Variants in RPS6KC1 observed in about 807,000 individuals in gnomAD.
RPS6KC1 encodes the protein ribosomal protein S6 kinase C1.
Under a neutral mutation model 103.8 loss-of-function variants are expected in RPS6KC1, and 54 were observed. The ratio of observed to expected loss-of-function variants is 0.52; its 90% CI spans 0.42 to 0.65. The LOEUF (loss-of-function observed/expected upper bound fraction) is 0.65. RPS6KC1 is among the 30% of genes least tolerant of loss of function. The pLI, the probability that RPS6KC1 is intolerant of heterozygous loss-of-function variation, is 0.00. For missense variants in RPS6KC1, 1,151 were observed against 1,253.8 expected, an observed-to-expected ratio of 0.92 and a Z score of 1.24; for synonymous variants, 439 against 438.7, an observed-to-expected ratio of 1.00 and a Z score of -0.01.
chr1:213,120,839 G>A (rs1194804379), intron 5 of RPS6KC1, among the ~76,000 whole-genome samples: 3 of 152,148 alleles, frequency 2.0e-5, no homozygotes, highest in Admixed American at 1.3e-4. Context: ...ACTTCTCAGA[G>A]AACAGAGGTA....
At chr1:213,387,716 A>G in the RPS6KC1 span, among the ~76,000 whole-genome samples, 1 of 152,254 alleles carries the variant, frequency 6.6e-6, no homozygotes, top group African/African-American at 2.4e-5. Flanking sequence ...CAGAAGCTAA[A>G]GAAAATTAGG....
the RPS6KC1 span, among the ~76,000 whole-genome samples, chr1:213,314,818 GAAGAAT>G: frequency 2.0e-5 from 3 of 152,124 alleles, no homozygotes; most frequent in Admixed American, 6.5e-5. Context: ...AATGTGTGCT[GAAGAAT>G]AAGAGGGATT....
chr1:213,854,510 CTCTT>C, the RPS6KC1 span, among the ~76,000 whole-genome samples: 5,161 of 120,936 alleles, frequency 0.043, 128 homozygotes, highest in South Asian at 0.059. Flanking sequence ...CTCTTTCTTT[CTCTT>C]TCTTTCTTTC....
the RPS6KC1 span, among the ~76,000 whole-genome samples, chr1:213,600,821 G>A: frequency 6.6e-6 from 1 of 152,370 alleles, no homozygotes; most frequent in Middle Eastern, 3.4e-3. Flanking sequence ...AAATGTAATA[G>A]TTGGTTCACA....
intron 3 of RPS6KC1, among the ~76,000 whole-genome samples, chr1:213,101,746 G>T (rs2082034745): frequency 6.6e-6 from 1 of 152,074 alleles, no homozygotes; most frequent in Admixed American, 6.5e-5. Flanking sequence ...GCTTTTAGAT[G>T]TTTACACAAT....
At chr1:213,355,943 GA>G in the RPS6KC1 span, among the ~76,000 whole-genome samples, 1 of 152,196 alleles carries the variant, frequency 6.6e-6, no homozygotes, top group Non-Finnish European at 1.5e-5. Flanking sequence ...TAATCTGTAA[GA>G]CAGGTACCTA....
chr1:213,287,877 C>T, the RPS6KC1 span, among the ~76,000 whole-genome samples: 1 of 152,090 alleles, frequency 6.6e-6, no homozygotes, highest in Non-Finnish European at 1.5e-5. Context: ...CTTGATTGAC[C>T]ATAATTAATT....
chr1:213,785,921 T>G, the RPS6KC1 span, among the ~76,000 whole-genome samples: 1 of 152,178 alleles, frequency 6.6e-6, no homozygotes, highest in Non-Finnish European at 1.5e-5. Context: ...ATTGCTATTA[T>G]GGAGGGAATA....
chr1:213,655,775 C>T, the RPS6KC1 span, among the ~76,000 whole-genome samples: 164 of 152,088 alleles, frequency 1.1e-3, 1 homozygote, highest in African/African-American at 3.5e-3. Flanking sequence ...TCTATGGAAA[C>T]GGAAGTTTTG....
the RPS6KC1 span, among the ~76,000 whole-genome samples, chr1:213,603,172 TG>T: frequency 6.6e-6 from 1 of 152,266 alleles, no homozygotes; most frequent in Non-Finnish European, 1.5e-5. Context: ...AGACATAGCT[TG>T]TCCAAAGCCA....
intron 12 of RPS6KC1, 83 bp downstream of exon 12, chr1:213,242,741 T>C (rs555354084): frequency 1.9e-6 from 2 of 1,051,148 alleles, no homozygotes; most frequent in Non-Finnish European, 1.4e-6. Flanking sequence ...ATTTTTGTAT[T>C]GTTCACTAGC....
At chr1:213,764,361 C>G in the RPS6KC1 span, among the ~76,000 whole-genome samples, 4 of 152,210 alleles carry the variant, frequency 2.6e-5, no homozygotes, top group Non-Finnish European at 4.4e-5. Flanking sequence ...GTCCTTTCTT[C>G]TCCTGCTCCC....
chr1:213,330,947 G>T, the RPS6KC1 span, among the ~76,000 whole-genome samples: 1 of 152,210 alleles, frequency 6.6e-6, no homozygotes, highest in East Asian at 1.9e-4. Flanking sequence ...CACAACTGAG[G>T]CAATCTGCTG....
At chr1:213,413,865 A>G in the RPS6KC1 span, among the ~76,000 whole-genome samples, 1 of 152,198 alleles carries the variant, frequency 6.6e-6, no homozygotes, top group African/African-American at 2.4e-5. Context: ...ATGACTCACA[A>G]AGACAGCCAG....
the RPS6KC1 span, among the ~76,000 whole-genome samples, chr1:213,338,768 CA>C: frequency 1.6e-5 from 2 of 128,400 alleles, no homozygotes; most frequent in East Asian, 4.6e-4. Flanking sequence ...AGTCTTGCAG[CA>C]TTTTTTTTTT....
intron 4 of RPS6KC1, among the ~76,000 whole-genome samples, chr1:213,112,599 A>T (rs1458612041): frequency 6.6e-6 from 1 of 151,708 alleles, no homozygotes; most frequent in Non-Finnish European, 1.5e-5. Flanking sequence ...GTTTTAGGGT[A>T]CATGTGCACA....
chr1:213,617,475 T>C, the RPS6KC1 span, among the ~76,000 whole-genome samples: 5 of 152,182 alleles, frequency 3.3e-5, no homozygotes, highest in South Asian at 2.1e-4. Flanking sequence ...TTCTCCAGCT[T>C]AGAATTATGC....
chr1:213,177,787 T>C (rs1057108900), intron 8 of RPS6KC1, among the ~76,000 whole-genome samples: 42 of 152,204 alleles, frequency 2.8e-4, no homozygotes, highest in African/African-American at 9.7e-4. Flanking sequence ...TGAGGTACAG[T>C]GTCTGCCCCC....
intron 8 of RPS6KC1, among the ~76,000 whole-genome samples, chr1:213,229,503 T>C (rs2094038490): frequency 1.3e-5 from 2 of 152,186 alleles, no homozygotes; most frequent in Admixed American, 6.5e-5. Context: ...TGTTCTATAA[T>C]GACAAAGTTG....
Sources: allele counts gnomAD v4.1 joint callset (sites outside exome capture counted in the v4.1 genomes callset), GRCh38; gene constraint gnomAD v4.1.1; transcripts MANE v1.5; gene names NCBI Gene and HGNC (gene_info 2026-07-23, HGNC 2026-07-21).